MGAT4D: variants seen among roughly 807,000 people sequenced by gnomAD.
MGAT4D encodes the protein MGAT4 family member D.
MGAT4D carries 34 observed loss-of-function variants against 15.9 expected under a neutral mutation model. The ratio of observed to expected loss-of-function variants is 2.14; its 90% CI spans 1.62 to 2.84. The LOEUF is 2.84. MGAT4D is among the 30% of genes most tolerant of loss of function. MGAT4D has a pLI of 0.00. For synonymous variants in MGAT4D, 112 were observed against 48.2 expected (o/e 2.33, Z -5.49); for missense variants, 327 against 140.2 (o/e 2.33, Z -6.73).
intron 8 of MGAT4D, chr4:140,457,439 G>A (rs1730883340): frequency 6.6e-6 from 1 of 151,986 alleles, no homozygotes; most frequent in Non-Finnish European, 1.5e-5. Flanking sequence ...TTAATAAAAT[G>A]TATAATTGTA....
At chr4:140,454,269 A>G (rs1168762613) in intron 9 of MGAT4D, among the ~76,000 whole-genome samples, 1 of 152,198 alleles carries the variant, frequency 6.6e-6, no homozygotes, top group Non-Finnish European at 1.5e-5. Context: ...TTAACATGTC[A>G]GAGACATTTC....
intron 10 of MGAT4D, among the ~76,000 whole-genome samples, chr4:140,451,056 G>A (rs1415765452): frequency 6.6e-6 from 1 of 152,052 alleles, no homozygotes; most frequent in Non-Finnish European, 1.5e-5. Context: ...AATAGTAGAG[G>A]GATTTTATTT....
intron 10 of MGAT4D, among the ~76,000 whole-genome samples, chr4:140,450,974 C>G (rs1578637098): frequency 6.6e-6 from 1 of 152,042 alleles, no homozygotes; most frequent in East Asian, 1.9e-4. Context: ...AAAATTCAAG[C>G]AACGCTAAAT....
chr4:140,491,363 G>C (rs1234031218), intron 1 of MGAT4D, among the ~76,000 whole-genome samples: 3 of 152,062 alleles, frequency 2.0e-5, no homozygotes, highest in African/African-American at 4.8e-5. Flanking sequence ...AAATAAAGTT[G>C]GGTGCTCTAG....
At chr4:140,482,636 A>T (rs929064128) in intron 1 of MGAT4D, among the ~76,000 whole-genome samples, 151 bp from the exon 2 acceptor site, 36 of 152,126 alleles carry the variant, frequency 2.4e-4, no homozygotes, top group African/African-American at 8.7e-4. Flanking sequence ...TACTATATAC[A>T]TATAGTATAT....
chr4:140,459,628 T>TA lies in MGAT4D; in HGVS notation c.763-3_763-2insT. The TA allele has an allele frequency of 4.5e-6, 2 of 448,282 alleles. No individual in the cohort carries two copies. The highest frequency in any genetic ancestry group is 4.5e-5 in the South Asian group (1 of 22,076). 27.8% of individuals were successfully genotyped at this position (448,282 alleles called of 1,614,324 possible). A position where few individuals can be genotyped will look rare whatever the true frequency, so the allele number is the denominator to read the frequency against. On this transcript the variant is annotated splice_region_variant and splice_polypyrimidine_tract_variant and intron_variant, in intron 7 of 10. Transcript: ENST00000511113. ...TTTAGCTATGATATCATCTTCTAGCTGAAAAAAAAAACCCAAAAAGACATT... is the reference window on the plus strand; with the variant it reads ...TTTAGCTATGATATCATCTTCTAGCTAGAAAAAAAAAACCCAAAAAGACATT...
At position 140,460,128 on chromosome 4, in the gene MGAT4D, C is replaced by T. The variant is rs571974822; in HGVS notation, c.763-502G>A. Among the ~76,000 whole-genome samples, 19 of 152,320 alleles carry T rather than the reference C, an allele frequency of 1.2e-4. 1 individual carries two copies. In the South Asian group the frequency reaches 1.7e-3, roughly 13 times the overall value. On this transcript the variant is annotated intron_variant, in intron 7 of 10. Coordinates refer to ENST00000511113, the MANE Select transcript of MGAT4D (RefSeq NM_001277353.2). ...AGAGTATCTGTTTCTTTCCTAAATA[C>T]TAAACATTCCATCTAAATCCCTCTT...
intron 7 of MGAT4D, among the ~76,000 whole-genome samples, chr4:140,461,629 GTT>G (rs1241483287): frequency 6.6e-6 from 1 of 151,676 alleles, no homozygotes; most frequent in Non-Finnish European, 1.5e-5. Flanking sequence ...ATACAATTTC[GTT>G]TTTTTGAGAT....
chr4:140,475,658 T>C (rs1196487908), intron 3 of MGAT4D, among the ~76,000 whole-genome samples: 1 of 40,040 alleles, frequency 2.5e-5, no homozygotes, highest in Non-Finnish European at 4.4e-5. Context: ...GTAATAAAAC[T>C]GCAAAAAAAA....
chr4:140,471,227 T>TTTCTTTCC (rs1553953655), intron 5 of MGAT4D, among the ~76,000 whole-genome samples: 3 of 133,686 alleles, frequency 2.2e-5, no homozygotes, highest in African/African-American at 8.3e-5. Flanking sequence ...CTCCTTTTTG[T>TTTCTTTCC]TTCCTTCCTT....
At chr4:140,493,400 A>G (rs539242507) in intron 1 of MGAT4D, among the ~76,000 whole-genome samples, 10 of 144,952 alleles carry the variant, frequency 6.9e-5, no homozygotes, top group African/African-American at 2.6e-4. Context: ...GGTTCACACC[A>G]TTCTCCTGCC....
chr4:140,488,415 G>T (rs995411303), intron 1 of MGAT4D, among the ~76,000 whole-genome samples: 2 of 152,178 alleles, frequency 1.3e-5, no homozygotes, highest in African/African-American at 4.8e-5. Context: ...CAATCAGACT[G>T]CAAGGAATGT....
intron 5 of MGAT4D, among the ~76,000 whole-genome samples, chr4:140,470,458 G>A (rs1731850626): frequency 6.6e-6 from 1 of 152,208 alleles, no homozygotes; most frequent in African/African-American, 2.4e-5. Context: ...AACACGGCCT[G>A]TCAGCCAGAT....
intron 10 of MGAT4D, 62 bp from the exon 11 acceptor site, chr4:140,443,506 T>C: frequency 2.1e-6 from 1 of 482,636 alleles, no homozygotes; most frequent in Non-Finnish European, 3.7e-6. Flanking sequence ...AAGATGAAAT[T>C]ATTTTCATAG....
intron 9 of MGAT4D, among the ~76,000 whole-genome samples, chr4:140,453,299 C>A (rs1458702473): frequency 6.6e-6 from 1 of 151,928 alleles, no homozygotes. Context: ...AAAATTCCTG[C>A]TGAGATTTTG....
At chr4:140,450,982 A>C (rs1042299675) in intron 10 of MGAT4D, among the ~76,000 whole-genome samples, 2 of 152,176 alleles carry the variant, frequency 1.3e-5, no homozygotes, top group African/African-American at 4.8e-5. Context: ...AGCAACGCTA[A>C]ATTTTTCTTC....
chr4:140,456,790 G>C (rs1301762189), intron 8 of MGAT4D, 71 bp from the exon 9 acceptor site: 2 of 544,030 alleles, frequency 3.7e-6, no homozygotes, highest in Admixed American at 3.3e-5. Context: ...ATGGGAAAAA[G>C]CAAAAGTTAT....
chr4:140,494,665 C>T (rs895959554), intron 1 of MGAT4D, among the ~76,000 whole-genome samples: 6 of 152,176 alleles, frequency 3.9e-5, no homozygotes, highest in African/African-American at 9.7e-5. Context: ...TTTGCTATTT[C>T]GGTAAATGGC....
At chr4:140,468,551 C>T (rs1172948957) in intron 5 of MGAT4D, among the ~76,000 whole-genome samples, 2 of 152,078 alleles carry the variant, frequency 1.3e-5, no homozygotes, top group Non-Finnish European at 2.9e-5. Flanking sequence ...TAGATTGAAG[C>T]CACTTCAGGA....
Sources: gnomAD v4.1 joint callset for allele counts (sites outside exome capture counted in the v4.1 genomes callset) on GRCh38, gnomAD v4.1.1 for gene constraint, MANE v1.5 for transcripts, NCBI Gene and HGNC (gene_info 2026-07-23, HGNC 2026-07-21) for gene names.